Variants in PSD3 observed in about 807,000 individuals in gnomAD.
PSD3 encodes the protein pleckstrin and Sec7 domain containing 3, also known as PH and SEC7 domain-containing protein 3.
Under a neutral mutation model 105.5 loss-of-function variants are expected in PSD3, and 49 were observed. The ratio of observed to expected loss-of-function variants is 0.46; its 90% CI spans 0.37 to 0.59. The LOEUF is 0.59. PSD3 is among the 20% of genes least tolerant of loss of function. The pLI, the probability that PSD3 is intolerant of heterozygous loss-of-function variation, is 0.00. For missense variants in PSD3, 1,561 were observed against 1,263.8 expected (o/e 1.24, Z -3.57); for synonymous variants, 557 against 457.8 (o/e 1.22, Z -2.77).
intron 4 of PSD3, among the ~76,000 whole-genome samples, chr8:18,864,291 G>A (rs76977437): frequency 0.012 from 1,857 of 152,290 alleles, 45 homozygotes; most frequent in African/African-American, 0.042. Flanking sequence ...CCTTTAGCAA[G>A]TTACTCAACC....
At chr8:18,556,079 G>A (rs914998655) in intron 15 of PSD3, 130 bp downstream of exon 15, 1 of 1,089,714 alleles carries the variant, frequency 9.2e-7, no homozygotes. Context: ...ACCTTGCCAG[G>A]AGCTCCCAAA....
chr8:18,697,771 A>G (rs1311370198), intron 9 of PSD3, among the ~76,000 whole-genome samples: 1 of 152,140 alleles, frequency 6.6e-6, no homozygotes, highest in Non-Finnish European at 1.5e-5. Context: ...GTTGGATGAA[A>G]TAACCTCTCC....
intron 2 of PSD3, chr8:18,924,604 A>G (rs533077474): frequency 2.4e-4 from 37 of 152,262 alleles, no homozygotes; most frequent in African/African-American, 8.9e-4. Flanking sequence ...TCCTAAAGCA[A>G]TAACTCGTAG....
At chr8:18,777,594 G>A (rs1808223778) in intron 8 of PSD3, among the ~76,000 whole-genome samples, 1 of 152,106 alleles carries the variant, frequency 6.6e-6, no homozygotes, top group Non-Finnish European at 1.5e-5. Flanking sequence ...TTTGAAATAT[G>A]CATGTAATGT....
At chr8:18,658,300 A>G (rs1340354922) in intron 9 of PSD3, among the ~76,000 whole-genome samples, 1 of 152,212 alleles carries the variant, frequency 6.6e-6, no homozygotes, top group African/African-American at 2.4e-5. Context: ...AAATGCATCC[A>G]AAACTTAAAT....
At chr8:18,850,355 G>T (rs1166161595) in intron 4 of PSD3, among the ~76,000 whole-genome samples, 3 of 152,196 alleles carry the variant, frequency 2.0e-5, no homozygotes, top group African/African-American at 4.8e-5. Flanking sequence ...GGTACTCACA[G>T]CTCCTATAAC....
intron 1 of PSD3, among the ~76,000 whole-genome samples, chr8:18,978,368 G>C (rs1342501914): frequency 6.6e-6 from 1 of 152,180 alleles, no homozygotes; most frequent in Non-Finnish European, 1.5e-5. Context: ...ACTATGTCCA[G>C]CTCTGAGTAA....
At chr8:18,636,923 C>G (rs1220458459) in intron 10 of PSD3, among the ~76,000 whole-genome samples, 2 of 152,194 alleles carry the variant, frequency 1.3e-5, no homozygotes, top group Admixed American at 1.3e-4. Context: ...TAAGTACACT[C>G]ACGTGTATAC....
chr8:19,072,782 G>T (rs193180657), intron 1 of PSD3, among the ~76,000 whole-genome samples: 1 of 152,284 alleles, frequency 6.6e-6, no homozygotes, highest in Admixed American at 6.5e-5. Flanking sequence ...TTCTGTGCTA[G>T]GCTCAATTCC....
intron 10 of PSD3, among the ~76,000 whole-genome samples, chr8:18,649,646 G>T (rs74934596): frequency 6.6e-6 from 1 of 152,146 alleles, no homozygotes; most frequent in Admixed American, 6.5e-5. Flanking sequence ...TTTTAGAGGC[G>T]CCAGGGATGG....
intron 2 of PSD3, among the ~76,000 whole-genome samples, chr8:18,879,051 A>AATACAC (rs1491203364): frequency 7.2e-6 from 1 of 138,582 alleles, no homozygotes; most frequent in Non-Finnish European, 1.6e-5. Context: ...CACACACACA[A>AATACAC]ACACACACAC....
chr8:18,562,851 T>G (rs1801481207), intron 14 of PSD3, among the ~76,000 whole-genome samples: 1 of 151,742 alleles, frequency 6.6e-6, no homozygotes, highest in African/African-American at 2.4e-5. Flanking sequence ...ATCATGCCAC[T>G]GCACTCCAGC....
At position 18,869,190 on chromosome 8, in the gene PSD3, C is replaced by CTTTTT. The variant is rs10648699; in HGVS notation, c.1239-1126_1239-1122dup. On this transcript the variant is annotated intron_variant, in intron 3 of 15. Coordinates refer to ENST00000327040, the MANE Select transcript of PSD3 (RefSeq NM_015310.4). ...ACTCACTGCACCCCACTCTCCCCTG[C>CTTTTT]TTTTTTTTTTTTTTTTTGAGATGCA... Among the ~76,000 whole-genome samples, 43 of 119,758 alleles carry CTTTTT rather than the reference C, an allele frequency of 3.6e-4. 2 individuals carry two copies. The highest frequency in any genetic ancestry group is 5.9e-4 in the Admixed American group (6 of 10,256). 78.6% of individuals were successfully genotyped at this position (119,758 alleles called of 152,430 possible).
chr8:18,703,137 G>A (rs1011575587), intron 9 of PSD3, among the ~76,000 whole-genome samples: 1 of 152,110 alleles, frequency 6.6e-6, no homozygotes, highest in Non-Finnish European at 1.5e-5. Flanking sequence ...GTTAAAAAAG[G>A]AATACAAGAA....
At chr8:18,607,042 G>T (rs138430485) in intron 11 of PSD3, among the ~76,000 whole-genome samples, 125 of 152,286 alleles carry the variant, frequency 8.2e-4, no homozygotes, top group African/African-American at 2.6e-3. Flanking sequence ...GATACATTAA[G>T]AAATAGAAAA....
At position 18,556,344 on chromosome 8, in the gene PSD3, T is replaced by C. The variant is rs1432554327; in HGVS notation, c.2793A>G (p.Gln931=). ...ATTTKLSQEE[Q]LKSHESKLKQ... is the part of the protein sequence containing the mutation. Reference sequence around the variant, plus strand: ...TCAGCTTACTTTCATGTGACTTCAGTTGCTCCTCCTGCAGGAAATCATGAT... The same window carrying C: ...TCAGCTTACTTTCATGTGACTTCAGCTGCTCCTCCTGCAGGAAATCATGAT... Residue 931 remains glutamine (Q), a synonymous_variant, in exon 15 of 16, where the codon CAA becomes CAG. Transcript: ENST00000327040. The C allele has an allele frequency of 6.2e-7, 1 of 1,612,204 alleles. No individual in the cohort carries two copies. The highest frequency in any genetic ancestry group is 1.1e-5 in the South Asian group (1 of 90,538).
intron 2 of PSD3, among the ~76,000 whole-genome samples, chr8:18,878,353 C>T (rs1817871704): frequency 6.6e-6 from 1 of 152,116 alleles, no homozygotes; most frequent in Admixed American, 6.5e-5. Flanking sequence ...ATTCTACATA[C>T]CAGATCATGT....
intron 4 of PSD3, among the ~76,000 whole-genome samples, chr8:18,844,916 G>T (rs553773525): frequency 5.3e-5 from 8 of 152,282 alleles, no homozygotes; most frequent in Non-Finnish European, 8.8e-5. Context: ...TACAAAGCTG[G>T]TTACAATGAT....
intron 1 of PSD3, among the ~76,000 whole-genome samples, chr8:19,013,286 T>C (rs575581372): frequency 4.7e-4 from 72 of 152,006 alleles, no homozygotes; most frequent in African/African-American, 1.7e-3. Context: ...TGCCTTCTTT[T>C]GATAGCTTTT....
Sources: allele counts gnomAD v4.1 joint callset (sites outside exome capture counted in the v4.1 genomes callset), GRCh38; gene constraint gnomAD v4.1.1; transcripts MANE v1.5; gene names NCBI Gene and HGNC (gene_info 2026-07-23, HGNC 2026-07-21).